Variants in SAMD5 observed in about 807,000 individuals in gnomAD.
The protein encoded by SAMD5 is sterile alpha motif domain-containing protein 5.
In SAMD5, 13 loss-of-function variants were observed where a neutral mutation model predicts 11.3. The observed-to-expected ratio is 1.15, with a 90% CI of 0.75 to 1.83. The LOEUF is 1.83. Among genes scored for constraint, SAMD5 ranks in the 40% most tolerant of loss-of-function variants. The probability of loss-of-function intolerance (pLI) is 0.00; values close to 1 mark genes in which losing one functional copy is unlikely to be tolerated. For missense variants in SAMD5, 255 were observed against 239.1 expected (o/e 1.07, Z -0.44); for synonymous variants, 129 against 111.3 (o/e 1.16, Z -1.00).
intron 1 of SAMD5, among the ~76,000 whole-genome samples, chr6:147,664,242 C>T (rs966524613): frequency 6.6e-6 from 1 of 152,122 alleles, no homozygotes; most frequent in Non-Finnish European, 1.5e-5. Context: ...ATTTCCACTA[C>T]CCTTTCAGAG....
chr6:147,510,362 C>A (rs1788069884), intron 1 of SAMD5, among the ~76,000 whole-genome samples: 1 of 152,166 alleles, frequency 6.6e-6, no homozygotes. Flanking sequence ...GTAGAGGGTC[C>A]TGACTTGATA....
the SAMD5 span, among the ~76,000 whole-genome samples, chr6:147,941,448 T>C: frequency 2.4e-4 from 37 of 152,218 alleles, no homozygotes; most frequent in African/African-American, 8.7e-4. Flanking sequence ...CGTGCCTGCA[T>C]TTGTAACAGT....
chr6:147,700,945 G>C (rs1791245674), intron 1 of SAMD5, among the ~76,000 whole-genome samples: 2 of 152,122 alleles, frequency 1.3e-5, no homozygotes, highest in East Asian at 3.9e-4. Context: ...ATAAATCATG[G>C]GAGAAGCAAG....
chr6:147,640,125 C>G (rs551909661), intron 1 of SAMD5, among the ~76,000 whole-genome samples: 2 of 151,698 alleles, frequency 1.3e-5, no homozygotes, highest in African/African-American at 2.4e-5. Context: ...AAAGAGATCG[C>G]GACCATCCTG....
the SAMD5 span, among the ~76,000 whole-genome samples, chr6:147,869,967 C>T: frequency 6.6e-6 from 1 of 152,146 alleles, no homozygotes; most frequent in African/African-American, 2.4e-5. Flanking sequence ...CCTCCCACCT[C>T]AGCCTCCCAA....
chr6:147,594,183 C>A (rs577443282), intron 1 of SAMD5, among the ~76,000 whole-genome samples: 34 of 152,252 alleles, frequency 2.2e-4, no homozygotes, highest in Middle Eastern at 3.4e-3. Context: ...ACAATAAGCA[C>A]TTCCATTTCC....
intron 1 of SAMD5, among the ~76,000 whole-genome samples, chr6:147,696,439 G>A (rs1174980943): frequency 6.6e-6 from 1 of 152,148 alleles, no homozygotes; most frequent in East Asian, 1.9e-4. Context: ...AAGGTCTCAG[G>A]CAGTCATCCT....
At chr6:147,915,402 A>T in the SAMD5 span, among the ~76,000 whole-genome samples, 29 of 152,232 alleles carry the variant, frequency 1.9e-4, no homozygotes, top group Non-Finnish European at 3.8e-4. Context: ...ACTTATGTCC[A>T]ATTAAAATAT....
At chr6:147,677,592 A>G (rs1294646956) in intron 1 of SAMD5, among the ~76,000 whole-genome samples, 2 of 152,162 alleles carry the variant, frequency 1.3e-5, no homozygotes, top group Admixed American at 6.5e-5. Context: ...AAAAACCCCA[A>G]GAGGATGAAG....
chr6:147,598,949 A>C (rs1379202358), intron 1 of SAMD5, among the ~76,000 whole-genome samples: 1 of 152,218 alleles, frequency 6.6e-6, no homozygotes, highest in African/African-American at 2.4e-5. Context: ...TCTGGGGAAC[A>C]CAGACATTTC....
At chr6:147,589,291 C>T (rs1239393707) in intron 1 of SAMD5, among the ~76,000 whole-genome samples, 2 of 152,134 alleles carry the variant, frequency 1.3e-5, no homozygotes, top group African/African-American at 4.8e-5. Flanking sequence ...CCCGTTTTCA[C>T]TTTCAAAAGT....
the SAMD5 span, among the ~76,000 whole-genome samples, chr6:147,763,326 A>AT: frequency 6.6e-6 from 1 of 151,234 alleles, no homozygotes; most frequent in Non-Finnish European, 1.5e-5. Context: ...TGCCTGGCTA[A>AT]TTTTTTTGTG....
chr6:147,519,350 G>A, intron 1 of SAMD5, among the ~76,000 whole-genome samples: 1 of 151,974 alleles, frequency 6.6e-6, no homozygotes, highest in Admixed American at 6.6e-5. Flanking sequence ...AATTATTATT[G>A]TCCTCATTCC....
the SAMD5 span, among the ~76,000 whole-genome samples, chr6:147,888,120 C>G: frequency 6.6e-6 from 1 of 152,028 alleles, no homozygotes; most frequent in African/African-American, 2.4e-5. Flanking sequence ...TATTCTCTTA[C>G]CAGTATATTC....
chr6:147,701,623 C>G (rs1414072789), intron 1 of SAMD5, among the ~76,000 whole-genome samples: 1 of 148,974 alleles, frequency 6.7e-6, no homozygotes. Context: ...ATTGTGCCCT[C>G]CAGGCTGGGC....
chr6:147,908,251 G>A, the SAMD5 span, among the ~76,000 whole-genome samples: 2 of 152,152 alleles, frequency 1.3e-5, no homozygotes, highest in African/African-American at 4.8e-5. Context: ...TTGTTTCAAA[G>A]TTTCTGACAA....
intron 1 of SAMD5, among the ~76,000 whole-genome samples, chr6:147,645,635 T>G (rs1726221328): frequency 6.6e-6 from 1 of 152,128 alleles, no homozygotes; most frequent in African/African-American, 2.4e-5. Context: ...TCCCATAGTT[T>G]TATATAGGAG....
chr6:147,760,193 T>A, the SAMD5 span, among the ~76,000 whole-genome samples: 2 of 152,160 alleles, frequency 1.3e-5, no homozygotes, highest in Non-Finnish European at 2.9e-5. Flanking sequence ...TCATAACCAA[T>A]GAGCATGTTG....
intron 1 of SAMD5, among the ~76,000 whole-genome samples, chr6:147,698,688 G>C (rs914078810): frequency 1.3e-5 from 2 of 152,166 alleles, no homozygotes; most frequent in African/African-American, 4.8e-5. Flanking sequence ...TGGGAGTAGT[G>C]GCCAAGGCAG....
Sources: allele counts gnomAD v4.1 joint callset (sites outside exome capture counted in the v4.1 genomes callset), GRCh38; gene constraint gnomAD v4.1.1; transcripts MANE v1.5; gene names NCBI Gene and HGNC (gene_info 2026-07-23, HGNC 2026-07-21).